CLVS1: variants seen among roughly 807,000 people sequenced by gnomAD.
CLVS1 encodes the protein clavesin 1.
A neutral mutation model predicts 33.1 loss-of-function variants in CLVS1; 10 were observed. That is an observed-to-expected ratio of 0.30 (90% CI 0.19 to 0.51). The LOEUF (loss-of-function observed/expected upper bound fraction) is 0.51. CLVS1 is among the 20% of genes least tolerant of loss of function. The pLI, the probability that CLVS1 is intolerant of heterozygous loss-of-function variation, is 0.97. For missense variants in CLVS1, 343 were observed against 433.4 expected, an observed-to-expected ratio of 0.79 and a Z score of 1.85; for synonymous variants, 163 against 166.1, an observed-to-expected ratio of 0.98 and a Z score of 0.14.
chr8:61,107,194 C>T (rs183208211), intron 1 of CLVS1, among the ~76,000 whole-genome samples: 172 of 152,322 alleles, frequency 1.1e-3, no homozygotes, highest in Non-Finnish European at 1.5e-3. Flanking sequence ...GAGAGTGAGA[C>T]GTGTTCTATC....
At chr8:61,038,890 T>A in the CLVS1 span, among the ~76,000 whole-genome samples, 14 of 152,210 alleles carry the variant, frequency 9.2e-5, no homozygotes, top group Non-Finnish European at 1.6e-4. Context: ...ATGAACCTAT[T>A]TCACTGAAAA....
chr8:61,227,269 C>T (rs549830428), intron 2 of CLVS1, among the ~76,000 whole-genome samples: 5 of 150,314 alleles, frequency 3.3e-5, no homozygotes, highest in Admixed American at 2.0e-4. Flanking sequence ...GAGGAATTAG[C>T]TCTTCAAGGA....
intron 2 of CLVS1, among the ~76,000 whole-genome samples, chr8:61,222,039 A>AT (rs1164956380): frequency 3.9e-5 from 6 of 152,034 alleles, no homozygotes; most frequent in Non-Finnish European, 8.8e-5. Context: ...CTGCTTTATC[A>AT]TTTTTTATTG....
chr8:61,416,475 T>G (rs1416988194), intron 3 of CLVS1, among the ~76,000 whole-genome samples: 1 of 152,236 alleles, frequency 6.6e-6, no homozygotes, highest in African/African-American at 2.4e-5. Flanking sequence ...CTATTTTTGC[T>G]GTCTTGCAAA....
the CLVS1 span, among the ~76,000 whole-genome samples, chr8:60,992,742 T>C: frequency 9.2e-5 from 14 of 152,158 alleles, no homozygotes. Context: ...ATTCTAAAAG[T>C]CTGGAGATTT....
At chr8:60,988,016 G>T in the CLVS1 span, among the ~76,000 whole-genome samples, 2 of 152,176 alleles carry the variant, frequency 1.3e-5, no homozygotes, top group Non-Finnish European at 2.9e-5. Context: ...AGAGACATCT[G>T]GGAAGGTAGG....
At chr8:61,041,573 A>G in the CLVS1 span, among the ~76,000 whole-genome samples, 1 of 151,792 alleles carries the variant, frequency 6.6e-6, no homozygotes, top group Admixed American at 6.6e-5. Context: ...TGGATATTTT[A>G]TTTTTGTGTG....
At chr8:61,458,047 T>A (rs899117214) in intron 4 of CLVS1, among the ~76,000 whole-genome samples, 3 of 152,230 alleles carry the variant, frequency 2.0e-5, no homozygotes, top group Non-Finnish European at 2.9e-5. Context: ...TGACTGTATG[T>A]GTAAATTTGG....
chr8:61,271,877 C>T (rs1585738492), intron 2 of CLVS1, among the ~76,000 whole-genome samples: 4 of 151,150 alleles, frequency 2.6e-5, no homozygotes, highest in African/African-American at 9.8e-5. Flanking sequence ...GGTAGATCTT[C>T]CTCCATCCTT....
the CLVS1 span, among the ~76,000 whole-genome samples, chr8:60,978,237 C>T: frequency 6.6e-6 from 1 of 152,154 alleles, no homozygotes; most frequent in African/African-American, 2.4e-5. Context: ...GCTAAGGTAG[C>T]TACATAGGTA....
In CLVS1 at chr8:61,376,630, GC is replaced by G; in HGVS notation, c.483del (p.Ile162SerfsTer8). On this transcript the variant is annotated frameshift_variant, in exon 3 of 6. Transcript: ENST00000325897. LOFTEE classifies it high-confidence loss of function. ...GAACTCCTTCACAGACATCCTTCGT[GC>G]CATCCTGCTGTCATTGGAAGTCCTA... ...SRNSFTDILR[A>X]ILLSLEVLIE... The G allele has an allele frequency of 3.1e-6, 5 of 1,613,940 alleles. No individual in the cohort carries two copies. The highest frequency in any genetic ancestry group is 4.2e-6 in the Non-Finnish European group (5 of 1,179,882).
chr8:61,408,190 C>T (rs375201225), intron 3 of CLVS1, among the ~76,000 whole-genome samples: 1 of 151,986 alleles, frequency 6.6e-6, no homozygotes, highest in African/African-American at 2.4e-5. Context: ...ATGAATGAGA[C>T]CATTTCAGAG....
intron 2 of CLVS1, among the ~76,000 whole-genome samples, chr8:61,277,520 A>G (rs1322958263): frequency 6.6e-6 from 1 of 152,164 alleles, no homozygotes; most frequent in Non-Finnish European, 1.5e-5. Flanking sequence ...GGGTGAGTAT[A>G]GGGGAGGCTC....
the CLVS1 span, among the ~76,000 whole-genome samples, chr8:60,988,225 A>T: frequency 6.6e-6 from 1 of 152,200 alleles, no homozygotes; most frequent in Non-Finnish European, 1.5e-5. Context: ...AGGACCCTGT[A>T]GAGACTGGGG....
chr8:61,001,950 C>A, the CLVS1 span, among the ~76,000 whole-genome samples: 1 of 152,106 alleles, frequency 6.6e-6, no homozygotes, highest in Non-Finnish European at 1.5e-5. Flanking sequence ...TCTTTTGAAC[C>A]CTCTTTAAAG....
At chr8:61,138,637 G>C (rs1047653604) in intron 2 of CLVS1, among the ~76,000 whole-genome samples, 15 of 151,784 alleles carry the variant, frequency 9.9e-5, no homozygotes, top group African/African-American at 3.6e-4. Context: ...GGTAAGGGTG[G>C]GGGGATAGGG....
At chr8:61,450,060 C>A (rs1310087985) in intron 3 of CLVS1, among the ~76,000 whole-genome samples, 1 of 152,196 alleles carries the variant, frequency 6.6e-6, no homozygotes, top group African/African-American at 2.4e-5. Context: ...CTCAAGAGGA[C>A]ACCTTTTTGC....
At chr8:61,303,370 T>G (rs1238165317) in intron 2 of CLVS1, among the ~76,000 whole-genome samples, 1 of 152,208 alleles carries the variant, frequency 6.6e-6, no homozygotes, top group Non-Finnish European at 1.5e-5. Flanking sequence ...TTCTCTCTTG[T>G]GTAAAATAAG....
At chr8:60,994,025 G>A in the CLVS1 span, among the ~76,000 whole-genome samples, 1 of 152,298 alleles carries the variant, frequency 6.6e-6, no homozygotes. Context: ...TAGTCTGCGA[G>A]GGCTACCATT....
Sources: gnomAD v4.1 joint callset for allele counts (sites outside exome capture counted in the v4.1 genomes callset) on GRCh38, gnomAD v4.1.1 for gene constraint, MANE v1.5 for transcripts, NCBI Gene and HGNC (gene_info 2026-07-23, HGNC 2026-07-21) for gene names.